DHX57: variants seen among roughly 807,000 people sequenced by gnomAD.
The protein encoded by DHX57 is DExH-box helicase 57, also known as putative ATP-dependent RNA helicase DHX57.
A neutral mutation model predicts 156.2 loss-of-function variants in DHX57; 105 were observed. The ratio of observed to expected loss-of-function variants is 0.67; its 90% confidence interval spans 0.57 to 0.79. The LOEUF (loss-of-function observed/expected upper bound fraction) is 0.79. Ranked by LOEUF, DHX57 falls within the 30% of genes least tolerant of loss-of-function variation. The pLI, the probability that DHX57 is intolerant of heterozygous loss-of-function variation, is 0.00. For missense variants in DHX57, 1,847 were observed against 1,661.9 expected (o/e 1.11, Z -1.94); for synonymous variants, 704 against 595.6 (o/e 1.18, Z -2.65).
intron 6 of DHX57, among the ~76,000 whole-genome samples, chr2:38,857,438 ATTTCC>A: frequency 6.6e-6 from 1 of 152,318 alleles, no homozygotes; most frequent in Non-Finnish European, 1.5e-5. Context: ...GGAACTTGCT[ATTTCC>A]TACATATAAT....
chr2:38,819,106 T>C lies in DHX57; in HGVS notation c.3330A>G (p.Lys1110=), dbSNP rs1670689535. ...TGTTTGCGAATGCAAATTCCAGCTT[T>C]TTCTGGTTAGCTTCTTCTTTTTTAT... The part of the protein sequence containing the change: ...PWDKKEEANQ[K]KLEFAFANSD... Residue 1110 remains lysine (K), a synonymous_variant, in exon 18 of 24, where the codon AAA becomes AAG. Transcript: ENST00000457308. The C allele has an allele frequency of 1.2e-6, 2 of 1,614,208 alleles. No homozygotes were observed. The highest frequency in any genetic ancestry group is 1.7e-6 in the Non-Finnish European group (2 of 1,180,036).
At chr2:38,819,470 C>T (rs1210240716) in intron 17 of DHX57, among the ~76,000 whole-genome samples, 1 of 152,210 alleles carries the variant, frequency 6.6e-6, no homozygotes, top group Non-Finnish European at 1.5e-5. Flanking sequence ...GCCACCACAC[C>T]AGGTCCTACA....
At position 38,815,900 on chromosome 2, in the gene DHX57, T is replaced by A. The variant is rs1670522721; in HGVS notation, c.3472-245A>T. ...TGCAAAAATTCAATAAATCCAAGGA[T>A]CATTTATTTAACTCTAGATTACAAT... On this transcript the variant is annotated intron_variant, in intron 19 of 23. Coordinates refer to ENST00000457308, the MANE Select transcript of DHX57 (RefSeq NM_198963.3). The A allele has an allele frequency of 7.5e-6, 4 of 529,868 alleles. No homozygotes were observed. The South Asian group carries it at 8.6e-5, about 11-fold the overall frequency. 32.8% of individuals were successfully genotyped at this position (529,868 alleles called of 1,614,324 possible). A position where few individuals can be genotyped will look rare whatever the true frequency, so the allele number is the denominator to read the frequency against.
chr2:38,838,074 A>G (rs2124860337), intron 12 of DHX57, 127 bp from the exon 13 acceptor site: 1 of 667,300 alleles, frequency 1.5e-6, no homozygotes, highest in East Asian at 2.7e-5. Flanking sequence ...ACAGATATTA[A>G]CATTTAATGT....
At chr2:38,875,524 C>T (rs996568341) in intron 1 of DHX57, among the ~76,000 whole-genome samples, 2 of 152,004 alleles carry the variant, frequency 1.3e-5, no homozygotes, top group African/African-American at 4.8e-5. Context: ...AATTTCACGC[C>T]CCGCCCCCCC....
chr2:38,871,678 C>G (rs1234394554), intron 1 of DHX57, among the ~76,000 whole-genome samples: 1 of 151,522 alleles, frequency 6.6e-6, no homozygotes, highest in African/African-American at 2.4e-5. Context: ...AGAGAGGTAC[C>G]AGCTGCCAGA....
At chr2:38,868,733 G>A (rs930154935) in intron 1 of DHX57, among the ~76,000 whole-genome samples, 1 of 152,166 alleles carries the variant, frequency 6.6e-6, no homozygotes, top group African/African-American at 2.4e-5. Flanking sequence ...TAAACACATG[G>A]AGAAGTGTCA....
chr2:38,829,473 T>C (rs1671271329), intron 13 of DHX57, among the ~76,000 whole-genome samples: 1 of 152,058 alleles, frequency 6.6e-6, no homozygotes, highest in Non-Finnish European at 1.5e-5. Context: ...GGTTTCACCA[T>C]GTTGGTCAGG....
Position 38,818,972 on chromosome 2 carries a change from A to C in DHX57, c.3388-12T>G, listed in dbSNP as rs768632813. On this transcript the variant is annotated splice_polypyrimidine_tract_variant and intron_variant, in intron 18 of 23. Transcript: ENST00000457308. ...CTTAGCTGCCATCCCTAAATTTTGGAGAAAATCAAACTGAACTTACTCAGT... is the reference window on the plus strand; with the variant it reads ...CTTAGCTGCCATCCCTAAATTTTGGCGAAAATCAAACTGAACTTACTCAGT... The C allele has an allele frequency of 6.2e-7, 1 of 1,614,188 alleles. No individual in the cohort carries two copies. The highest frequency in any genetic ancestry group is 1.6e-4 in the Middle Eastern group (1 of 6,062).
chr2:38,851,266 G>A (rs1167824569), intron 9 of DHX57, among the ~76,000 whole-genome samples: 1 of 152,074 alleles, frequency 6.6e-6, no homozygotes, highest in African/African-American at 2.4e-5. Context: ...AATTTTATAA[G>A]GGACAGAGAT....
Position 38,843,050 on chromosome 2 carries a change from G to T in DHX57, c.2380C>A (p.Pro794Thr). The part of the protein sequence containing the change: ...QDQDSVKDAV[P>T]DQQLDFKQLL... ...TGCTTAAAATCTAACTGTTGATCTG[G>T]CACTGCATCTTTGACAGAATCCTGA... Residue 794 changes from proline (P) to threonine (T), a missense_variant, in exon 12 of 24, where the codon CCA (proline) becomes ACA (threonine). Coordinates refer to ENST00000457308, the MANE Select transcript of DHX57 (RefSeq NM_198963.3). 6.2e-7 allele frequency: 1 copy of T among 1,614,144 alleles called. No homozygotes were observed. The highest frequency in any genetic ancestry group is 8.5e-7 in the Non-Finnish European group (1 of 1,180,006).
chr2:38,857,061 A>G (rs1672938810), intron 6 of DHX57: 1 of 153,684 alleles, frequency 6.5e-6, no homozygotes, highest in African/African-American at 2.4e-5. Context: ...GTACTGTCCA[A>G]TAGAACTTTC....
rs374670708 is a variant in DHX57 at position 38,863,509 on chromosome 2, T to C, written c.235A>G (p.Ser79Gly). 4 of 1,613,488 alleles carry C rather than the reference T, an allele frequency of 2.5e-6. No individual in the cohort carries two copies. Among genetic ancestry groups the C allele is most frequent in the Non-Finnish European group, 2.5e-6 (3 of 1,179,876 alleles). Residue 79 changes from serine (S) to glycine (G), a missense_variant, in exon 3 of 24, where the codon AGT (serine) becomes GGT (glycine). Ser to Gly is a moderately conservative substitution (Grantham distance 56). Transcript: ENST00000457308. ...ESRRPSRPSN[S>G]NISKGESRPK... is the part of the protein sequence containing the mutation. ...CGTGACTCTCCTTTGCTTATGTTAC[T>C]GTTGCTAGGTCTATAGAGAACAAAA...
intron 9 of DHX57, among the ~76,000 whole-genome samples, chr2:38,850,271 A>G (rs1468627567): frequency 6.6e-6 from 1 of 152,120 alleles, no homozygotes; most frequent in Non-Finnish European, 1.5e-5. Context: ...CTTTCACTTT[A>G]TCTATAACGT....
rs1256506975 is a variant in DHX57, at chr2:38,798,084, C to T, written c.*215G>A. 2 of 474,848 alleles carry T rather than the reference C, an allele frequency of 4.2e-6. No homozygotes were observed. The highest frequency in any genetic ancestry group is 7.4e-6 in the Non-Finnish European group (2 of 269,532). 29.4% of individuals were successfully genotyped at this position (474,848 alleles called of 1,614,324 possible). On this transcript the variant is annotated 3_prime_UTR_variant, in exon 24 of 24. Coordinates refer to ENST00000457308, the MANE Select transcript of DHX57 (RefSeq NM_198963.3). ...AGGCAAGCTGGGTTTTAGGCTCTCA[C>T]CCTTGACACTCCAAATTGTGCTGGG...
chr2:38,841,161 G>C (rs1465450344), intron 12 of DHX57, among the ~76,000 whole-genome samples: 1 of 152,204 alleles, frequency 6.6e-6, no homozygotes, highest in Non-Finnish European at 1.5e-5. Flanking sequence ...AATGGAATAA[G>C]GGAATCTGAA....
chr2:38,819,270 G>C, intron 17 of DHX57, 126 bp from the exon 18 acceptor site: 1 of 819,828 alleles, frequency 1.2e-6, no homozygotes, highest in South Asian at 1.7e-5. Context: ...TATCTCCCAG[G>C]CTTAAGCAAT....
chr2:38,874,044 C>T (rs1558412732), intron 1 of DHX57, among the ~76,000 whole-genome samples: 2 of 152,038 alleles, frequency 1.3e-5, no homozygotes, highest in African/African-American at 4.8e-5. Flanking sequence ...AAAAGTTGGC[C>T]CTCTGTATGT....
intron 14 of DHX57, 70 bp downstream of exon 14, chr2:38,828,270 A>C (rs1671205767): frequency 8.1e-7 from 1 of 1,236,446 alleles, no homozygotes; most frequent in Non-Finnish European, 1.1e-6. Flanking sequence ...TCCAGGGTCT[A>C]AAGAGGGTGA....
Sources: gnomAD v4.1 joint callset for allele counts (sites outside exome capture counted in the v4.1 genomes callset) on GRCh38, gnomAD v4.1.1 for gene constraint, MANE v1.5 for transcripts, NCBI Gene and HGNC (gene_info 2026-07-23, HGNC 2026-07-21) for gene names.